DNAJC5B: variants seen among roughly 807,000 people sequenced by gnomAD.
The protein encoded by DNAJC5B is dnaJ homolog subfamily C member 5B.
A neutral mutation model predicts 24.7 loss-of-function variants in DNAJC5B; 23 were observed. That is an observed-to-expected ratio of 0.93 (90% CI 0.67 to 1.32). The LOEUF (loss-of-function observed/expected upper bound fraction) is 1.32, where lower values mean the gene tolerates loss of function less well. DNAJC5B is among the 40% of genes most tolerant of loss of function. The pLI is 0.00. For synonymous variants in DNAJC5B, 101 were observed against 90.1 expected (o/e 1.12, Z -0.68); for missense variants, 238 against 240.8 (o/e 0.99, Z 0.08).
intron 1 of DNAJC5B, among the ~76,000 whole-genome samples, chr8:66,026,665 A>C (rs1238639770): frequency 6.6e-6 from 1 of 152,226 alleles, no homozygotes; most frequent in East Asian, 1.9e-4. Flanking sequence ...TTGTAACCTG[A>C]GGCCTGTGAA....
At chr8:66,094,644 ATG>A (rs1031236057) in intron 5 of DNAJC5B, among the ~76,000 whole-genome samples, 1 of 151,926 alleles carries the variant, frequency 6.6e-6, no homozygotes, top group African/African-American at 2.4e-5. Flanking sequence ...CGCACCAAGT[ATG>A]TGAACCCAGT....
intron 5 of DNAJC5B, 41 bp downstream of exon 5, chr8:66,080,589 T>C: frequency 2.0e-6 from 3 of 1,522,580 alleles, no homozygotes; most frequent in South Asian, 1.3e-5. Flanking sequence ...TGTCCATTCA[T>C]AGGCCTGAGC....
intron 2 of DNAJC5B, among the ~76,000 whole-genome samples, chr8:66,049,708 G>A (rs373317614): frequency 3.9e-5 from 6 of 152,176 alleles, no homozygotes; most frequent in South Asian, 2.1e-4. Context: ...ATCATAATCC[G>A]TGTAGTAGAT....
chr8:66,078,196 T>G (rs575828376), intron 4 of DNAJC5B, among the ~76,000 whole-genome samples: 3 of 152,122 alleles, frequency 2.0e-5, no homozygotes, highest in Non-Finnish European at 4.4e-5. Context: ...TGATCAAAAT[T>G]CACATGGACA....
chr8:66,085,611 A>T (rs1374401634), intron 5 of DNAJC5B, among the ~76,000 whole-genome samples: 1 of 151,986 alleles, frequency 6.6e-6, no homozygotes, highest in East Asian at 1.9e-4. Flanking sequence ...CCATATTTCT[A>T]TGAACCTATT....
rs1436831690 is a variant in DNAJC5B, at chr8:66,076,612, A to G, written c.120-48A>G. On this transcript the variant is annotated intron_variant, in intron 3 of 5. Coordinates refer to ENST00000276570, the MANE Select transcript of DNAJC5B (RefSeq NM_033105.6). The stretch of plus-strand genomic sequence containing the variant: ...GTGCCCTTCTAAAACGCCATGGTTC[A>G]TTCTTGTCAAATAACACACTCTCCT... The G allele has an allele frequency of 1.1e-5, 17 of 1,602,424 alleles. No homozygotes were observed. In the African/African-American group the frequency reaches 1.1e-4, roughly 10 times the overall value.
At chr8:66,016,799 T>C (rs1033460012), upstream of DNAJC5B, among the ~76,000 whole-genome samples, 3 of 152,192 alleles carry the variant, frequency 2.0e-5, no homozygotes, top group African/African-American at 7.2e-5. Flanking sequence ...GACAGATTTC[T>C]ATCATGGGTG....
rs35729686 is a variant in DNAJC5B, at chr8:66,043,478, T to C, written c.-141-10T>C. 6.6e-6 allele frequency: 1 copy of C among 152,232 alleles called. No individual in the cohort carries two copies. The allele number at this position is 152,232 out of a possible 1,614,324, so 9.4% of individuals were successfully genotyped here. ...TGCATGTTTCATTCTCTCTTTGTTG[T>C]GTTTTCCAGAGGGATAACCAATTGG... On this transcript the variant is annotated splice_polypyrimidine_tract_variant and intron_variant, in intron 1 of 5. Transcript: ENST00000276570.
At chr8:66,038,385 G>T (rs1392451828) in intron 1 of DNAJC5B, among the ~76,000 whole-genome samples, 1 of 152,174 alleles carries the variant, frequency 6.6e-6, no homozygotes, top group Non-Finnish European at 1.5e-5. Context: ...GGCTGAGTGA[G>T]GCTCCATTTG....
At chr8:66,030,453 A>G (rs1367939165) in intron 1 of DNAJC5B, among the ~76,000 whole-genome samples, 1 of 152,296 alleles carries the variant, frequency 6.6e-6, no homozygotes, top group East Asian at 1.9e-4. Context: ...AATCATTTCA[A>G]GGCATACTCA....
At chr8:66,045,188 G>T (rs1290432100) in intron 2 of DNAJC5B, among the ~76,000 whole-genome samples, 2 of 152,186 alleles carry the variant, frequency 1.3e-5, no homozygotes, top group Admixed American at 6.5e-5. Flanking sequence ...TCATGTTTCA[G>T]TGTGTAGAGT....
intron 1 of DNAJC5B, among the ~76,000 whole-genome samples, chr8:66,028,733 C>T (rs1489806752): frequency 2.0e-5 from 3 of 152,170 alleles, no homozygotes; most frequent in Non-Finnish European, 4.4e-5. Context: ...CCTGCTGCCA[C>T]CCTGGTCTGG....
chr8:66,071,561 G>A (rs1807349533), intron 3 of DNAJC5B, among the ~76,000 whole-genome samples: 1 of 152,196 alleles, frequency 6.6e-6, no homozygotes, highest in South Asian at 2.1e-4. Flanking sequence ...AACAGATGCT[G>A]GAGAGGAAGT....
chr8:66,019,937 G>A (rs368045029), upstream of DNAJC5B, among the ~76,000 whole-genome samples: 280 of 152,336 alleles, frequency 1.8e-3, 1 homozygote, highest in African/African-American at 6.4e-3. Context: ...TTTAAAATTA[G>A]TGTCCATTAA....
At chr8:66,040,871 C>T (rs1468462113) in intron 1 of DNAJC5B, among the ~76,000 whole-genome samples, 4 of 152,198 alleles carry the variant, frequency 2.6e-5, no homozygotes, top group Non-Finnish European at 5.9e-5. Flanking sequence ...TTAAAATTCT[C>T]TCCCCTTTGT....
chr8:66,066,247 G>A (rs1172284614), intron 3 of DNAJC5B, among the ~76,000 whole-genome samples: 2 of 152,158 alleles, frequency 1.3e-5, no homozygotes, highest in Non-Finnish European at 2.9e-5. Context: ...TGGCACAGGT[G>A]TGGTGAAAAA....
intron 3 of DNAJC5B, among the ~76,000 whole-genome samples, chr8:66,068,499 GA>G (rs1355897257): frequency 2.0e-5 from 3 of 151,274 alleles, no homozygotes; most frequent in African/African-American, 7.3e-5. Context: ...GATGGAAAAT[GA>G]AAAAAGATTT....
At chr8:66,079,449 C>G (rs1807542792) in intron 4 of DNAJC5B, among the ~76,000 whole-genome samples, 1 of 152,114 alleles carries the variant, frequency 6.6e-6, no homozygotes, top group Admixed American at 6.6e-5. Context: ...TTGTTTTGGG[C>G]AGGATCAGGA....
At chr8:66,050,050 C>T (rs1305540193) in intron 2 of DNAJC5B, among the ~76,000 whole-genome samples, 1 of 152,182 alleles carries the variant, frequency 6.6e-6, no homozygotes, top group Non-Finnish European at 1.5e-5. Flanking sequence ...CAACACAATA[C>T]ATTTGAATCT....
Sources: allele counts gnomAD v4.1 joint callset (sites outside exome capture counted in the v4.1 genomes callset), GRCh38; gene constraint gnomAD v4.1.1; transcripts MANE v1.5; gene names NCBI Gene and HGNC (gene_info 2026-07-23, HGNC 2026-07-21).